DPP10: variants seen among roughly 807,000 people sequenced by gnomAD.
DPP10 encodes dipeptidyl peptidase like 10, also known as inactive dipeptidyl peptidase 10.
Under a neutral mutation model 120.9 loss-of-function variants are expected in DPP10, and 33 were observed. The observed-to-expected ratio is 0.27, with a 90% confidence interval of 0.21 to 0.37. The LOEUF is 0.37. DPP10 is among the 10% of genes least tolerant of loss of function. DPP10 has a pLI of 1.00. For synonymous variants in DPP10, 337 were observed against 326.1 expected, an observed-to-expected ratio of 1.03 and a Z score of -0.36; for missense variants, 816 against 942.8, an observed-to-expected ratio of 0.87 and a Z score of 1.76.
intron 1 of DPP10, among the ~76,000 whole-genome samples, chr2:115,151,393 T>C (rs569610890): frequency 6.6e-6 from 1 of 151,568 alleles, no homozygotes; most frequent in East Asian, 1.9e-4. Context: ...TTTTTTTAAA[T>C]TTCAGGATTA....
intron 1 of DPP10, among the ~76,000 whole-genome samples, chr2:114,660,295 T>A (rs917496575): frequency 6.6e-6 from 1 of 152,126 alleles, no homozygotes; most frequent in African/African-American, 2.4e-5. Context: ...GGAAAAAAAA[T>A]TACACTTTTT....
chr2:115,703,810 G>A (rs1334572658), intron 7 of DPP10, among the ~76,000 whole-genome samples: 2 of 151,952 alleles, frequency 1.3e-5, no homozygotes, highest in East Asian at 3.9e-4. Flanking sequence ...AACCATCACA[G>A]TAGGTATGAC....
intron 7 of DPP10, among the ~76,000 whole-genome samples, chr2:115,724,164 G>T (rs957357409): frequency 8.5e-5 from 13 of 152,070 alleles, no homozygotes; most frequent in African/African-American, 2.9e-4. Flanking sequence ...AATTTATATT[G>T]TAACTGCATT....
At chr2:115,276,827 C>G (rs903925773) in intron 1 of DPP10, among the ~76,000 whole-genome samples, 1 of 152,158 alleles carries the variant, frequency 6.6e-6, no homozygotes, top group Non-Finnish European at 1.5e-5. Context: ...TGATTCACTG[C>G]TCTCTACTCC....
At chr2:114,846,286 G>C (rs1192000637) in intron 1 of DPP10, among the ~76,000 whole-genome samples, 1 of 152,030 alleles carries the variant, frequency 6.6e-6, no homozygotes, top group Non-Finnish European at 1.5e-5. Context: ...CAAATACCAA[G>C]CCATGACATT....
chr2:115,519,790 C>G (rs1375068043), intron 4 of DPP10, among the ~76,000 whole-genome samples: 1 of 152,152 alleles, frequency 6.6e-6, no homozygotes, highest in East Asian at 1.9e-4. Context: ...TCCCTCTTCT[C>G]CTCCACTTAT....
chr2:115,745,430 T>A (rs1372516087), intron 9 of DPP10, among the ~76,000 whole-genome samples: 1 of 150,572 alleles, frequency 6.6e-6, no homozygotes, highest in African/African-American at 2.4e-5. Flanking sequence ...AATTAAATTA[T>A]CCTTGCTATC....
intron 3 of DPP10, among the ~76,000 whole-genome samples, chr2:115,377,057 G>A (rs1311172971): frequency 2.0e-5 from 3 of 151,452 alleles, no homozygotes; most frequent in African/African-American, 7.3e-5. Flanking sequence ...AGTCCTTTGG[G>A]TATATACCCA....
At chr2:115,609,695 A>C (rs2083958739) in intron 5 of DPP10, among the ~76,000 whole-genome samples, 2 of 152,204 alleles carry the variant, frequency 1.3e-5, no homozygotes, top group Admixed American at 6.5e-5. Context: ...GTCATTACAG[A>C]GAATAGTAAG....
rs61413782 is a variant in DPP10, at chr2:115,062,128, CTGTGTGTGTGTGTGTGTG to C, written c.61-247087_61-247070del. The stretch of plus-strand genomic sequence containing the variant: ...GTATTGTTGTTTTAAGATTACAGTT[CTGTGTGTGTGTGTGTGTG>C]TGTGTGTGTGTGTGTGTGTGTGTAT... On this transcript the variant is annotated intron_variant, in intron 1 of 25. Transcript: ENST00000410059. Among the ~76,000 whole-genome samples, 4 of 143,880 alleles carry C rather than the reference CTGTGTGTGTGTGTGTGTG, an allele frequency of 2.8e-5. No individual in the cohort carries two copies. In the South Asian group the frequency reaches 6.7e-4, roughly 24 times the overall value. 94.4% of individuals were successfully genotyped at this position (143,880 alleles called of 152,430 possible).
rs191208898 is a variant in DPP10, at chr2:115,490,264, A to T, written c.272-9246A>T. On this transcript the variant is annotated intron_variant, in intron 3 of 25. Coordinates refer to ENST00000410059, the MANE Select transcript of DPP10 (RefSeq NM_020868.6). ...TCAGGAAACTTACAATCATGGCAGAAGGTACGTCTTCACAGGGCAGCAGGA... is the reference window on the plus strand; with the variant it reads ...TCAGGAAACTTACAATCATGGCAGATGGTACGTCTTCACAGGGCAGCAGGA... 6.0e-4 allele frequency among the ~76,000 whole-genome samples: 92 copies of T among 152,302 alleles called. 1 individual carries two copies. Among genetic ancestry groups the T allele is most frequent in the African/African-American group, 2.0e-3 (85 of 41,560 alleles).
At chr2:115,533,632 G>C (rs1411875236) in intron 5 of DPP10, among the ~76,000 whole-genome samples, 1 of 151,986 alleles carries the variant, frequency 6.6e-6, no homozygotes, top group Non-Finnish European at 1.5e-5. Context: ...AATTCTGGGG[G>C]AGTACATAAT....
intron 3 of DPP10, among the ~76,000 whole-genome samples, chr2:115,418,998 A>G (rs992222640): frequency 6.6e-6 from 1 of 152,130 alleles, no homozygotes; most frequent in African/African-American, 2.4e-5. Context: ...GAAGTCTACA[A>G]ACAATATGAA....
In DPP10 at chr2:115,190,481, T is replaced by C. The variant is rs796276783; in HGVS notation, c.61-118758T>C. Among the ~76,000 whole-genome samples, 12 of 152,280 alleles carry C rather than the reference T, an allele frequency of 7.9e-5. 1 individual carries two copies. The highest frequency in any genetic ancestry group is 2.6e-4 in the African/African-American group (11 of 41,554). ...ATACCACCACACATCTGCTAGGGGA[T>C]GAACAAGGGCAGACTGGTGGGTAAG... On this transcript the variant is annotated intron_variant, in intron 1 of 25. Coordinates refer to ENST00000410059, the MANE Select transcript of DPP10 (RefSeq NM_020868.6).
Position 115,778,000 on chromosome 2 carries a change from G to A in DPP10, c.1361+166G>A, listed in dbSNP as rs142181585. Among the ~76,000 whole-genome samples the A allele has an allele frequency of 7.9e-5, 12 of 152,230 alleles. No individual in the cohort carries two copies. The East Asian group carries it at 9.7e-4, about 12-fold the overall frequency. ...TCTTGCACCAGTCTCTCCCTTGACAGGACTGGAGAAAATGGAGCCCTGCTT... is the reference window on the plus strand; with the variant it reads ...TCTTGCACCAGTCTCTCCCTTGACAAGACTGGAGAAAATGGAGCCCTGCTT... On this transcript the variant is annotated intron_variant, in intron 15 of 25. Transcript: ENST00000410059.
intron 1 of DPP10, among the ~76,000 whole-genome samples, chr2:114,581,173 C>CTTTTTTTTTTTTTTTTTT (rs70937291): frequency 1.0e-4 from 8 of 77,898 alleles, no homozygotes; most frequent in Middle Eastern, 0.01. Flanking sequence ...TTTTTCTTCT[C>CTTTTTTTTTTTTTTTTTT]TTTTTTTTTT....
intron 5 of DPP10, among the ~76,000 whole-genome samples, chr2:115,618,604 C>G (rs2084702283): frequency 6.6e-6 from 1 of 152,170 alleles, no homozygotes; most frequent in Non-Finnish European, 1.5e-5. Context: ...TTTTCTAAAT[C>G]CAGTATTCAC....
chr2:115,161,789 C>A, intron 1 of DPP10: 1 of 625,754 alleles, frequency 1.6e-6, no homozygotes, highest in Non-Finnish European at 2.4e-6. Context: ...ACGGGGAGCC[C>A]GCCCGGTGCC....
At chr2:115,331,703 C>T (rs1256156016) in intron 2 of DPP10, among the ~76,000 whole-genome samples, 1 of 152,110 alleles carries the variant, frequency 6.6e-6, no homozygotes, top group African/African-American at 2.4e-5. Context: ...GTCTTTGGTT[C>T]TATTTATATG....
Sources: allele counts gnomAD v4.1 joint callset (sites outside exome capture counted in the v4.1 genomes callset), GRCh38; gene constraint gnomAD v4.1.1; transcripts MANE v1.5; gene names NCBI Gene and HGNC (gene_info 2026-07-23, HGNC 2026-07-21).